Variants in CEP250 observed in about 807,000 individuals in gnomAD.
CEP250 encodes the protein centrosome-associated protein CEP250.
Under a neutral mutation model 315.7 loss-of-function variants are expected in CEP250, and 242 were observed. That is an observed-to-expected ratio of 0.77 (90% CI 0.69 to 0.85). CEP250 has a LOEUF of 0.85. Among genes scored for constraint, CEP250 ranks in the 40% least tolerant of loss-of-function variants. The probability of loss-of-function intolerance (pLI) is 0.00; values close to 1 mark genes in which losing one functional copy is unlikely to be tolerated. For synonymous variants in CEP250, 1,088 were observed against 1,175.0 expected, an observed-to-expected ratio of 0.93 and a Z score of 1.51; for missense variants, 2,515 against 2,886.4, an observed-to-expected ratio of 0.87 and a Z score of 2.95.
chr20:35,500,060 G>A lies in CEP250; in HGVS notation c.3789G>A (p.Arg1263=). ...CCTTCCTTTCCCAGGATGTTCTGAG[G>A]GATCAGGTCCAGAAACTGGAAGAGC... ...WKTQQTRDVL[R]DQVQKLEERL... Residue 1263 remains arginine, a synonymous_variant, in exon 28 of 35, where the codon AGG becomes AGA. Transcript: ENST00000397527. 6.2e-7 allele frequency: 1 copy of A among 1,614,140 alleles called. No individual in the cohort carries two copies. The highest frequency in any genetic ancestry group is 2.2e-5 in the East Asian group (1 of 44,874).
At position 35,509,063 on chromosome 20, in the gene CEP250, G is replaced by C. The variant is rs2147218569; in HGVS notation, c.7008+19G>C. ...ACAGCAGGTTTACTCATTTTCCTCAGCTGCAGCCTTAGAGAGCCCAACCCC... is the reference window on the plus strand; with the variant it reads ...ACAGCAGGTTTACTCATTTTCCTCACCTGCAGCCTTAGAGAGCCCAACCCC... On this transcript the variant is annotated intron_variant, in intron 33 of 34. Transcript: ENST00000397527. 4 of 1,548,272 alleles carry C rather than the reference G, an allele frequency of 2.6e-6. No individual in the cohort carries two copies. The highest frequency in any genetic ancestry group is 1.2e-5 in the South Asian group (1 of 84,076).
At chr20:35,482,054 T>C (rs937041410) in intron 20 of CEP250, among the ~76,000 whole-genome samples, 3 of 111,082 alleles carry the variant, frequency 2.7e-5, no homozygotes, top group African/African-American at 1.2e-4. Flanking sequence ...AAAAAATAGA[T>C]AGATAGATAG....
At chr20:35,475,790 T>G in intron 15 of CEP250, 144 bp downstream of exon 15, 2 of 827,986 alleles carry the variant, frequency 2.4e-6, no homozygotes, top group Non-Finnish European at 3.8e-6. Context: ...TATTCCAACA[T>G]ACCCTCTATA....
In CEP250 at chr20:35,507,764, T is replaced by A. The variant is rs1284572772; in HGVS notation, c.6663T>A (p.Ala2221=). Residue 2221 remains alanine, a synonymous_variant, in exon 31 of 35, where the codon GCT becomes GCA. Coordinates refer to ENST00000397527, the MANE Select transcript of CEP250 (RefSeq NM_007186.6). ...ATGAACTGGAGCTCACCAGACGGGC[T>A]CTGGAGAAGGAGCGGCTACACAGCC... ...LQDELELTRR[A]LEKERLHSPG... 6.4e-7 allele frequency: 1 copy of A among 1,556,940 alleles called. No individual in the cohort carries two copies. Among genetic ancestry groups the A allele is most frequent in the Non-Finnish European group, 8.7e-7 (1 of 1,149,928 alleles).
intron 8 of CEP250, 115 bp downstream of exon 8, chr20:35,467,187 T>G (rs2062904371): frequency 1.5e-6 from 2 of 1,329,186 alleles, no homozygotes; most frequent in Admixed American, 1.8e-5. Context: ...GGGGAGTTGG[T>G]AGTATTGGAA....
rs540593882 is a variant in CEP250 at position 35,465,840 on chromosome 20, A to G, written c.326+15A>G. The stretch of plus-strand genomic sequence containing the variant: ...GAGCAACAGAGGTGATGGACCCCAA[A>G]CTTTCTGACCTGGGTGATTGGCCAG... On this transcript the variant is annotated intron_variant, in intron 6 of 34. Transcript: ENST00000397527. The G allele has an allele frequency of 6.3e-7, 1 of 1,599,042 alleles. No individual in the cohort carries two copies. Among genetic ancestry groups the G allele is most frequent in the African/African-American group, 1.3e-5 (1 of 74,700 alleles).
At chr20:35,498,187 G>A in intron 26 of CEP250, 120 bp downstream of exon 26, 1 of 801,776 alleles carries the variant, frequency 1.2e-6, no homozygotes, top group East Asian at 2.7e-5. Flanking sequence ...TTACATACTT[G>A]GGAATTAATT....
At chr20:35,498,839 A>G in intron 27 of CEP250, 123 bp downstream of exon 27, 1 of 1,156,338 alleles carries the variant, frequency 8.6e-7, no homozygotes, top group South Asian at 1.8e-5. Flanking sequence ...TTTCACCTCT[A>G]TCACTTACCA....
intron 20 of CEP250, among the ~76,000 whole-genome samples, chr20:35,486,716 T>C (rs2063524067): frequency 6.6e-6 from 1 of 152,204 alleles, no homozygotes; most frequent in African/African-American, 2.4e-5. Flanking sequence ...GAAGTTGACT[T>C]GTGCTTTATG....
At chr20:35,471,313 C>T (rs1316134397) in intron 10 of CEP250, among the ~76,000 whole-genome samples, 1 of 152,172 alleles carries the variant, frequency 6.6e-6, no homozygotes, top group Non-Finnish European at 1.5e-5. Context: ...TAATAAATGT[C>T]TCATCTAGAT....
At chr20:35,476,400 TC>T (rs758282387) in intron 15 of CEP250, 48 bp from the exon 16 acceptor site, 8 of 1,577,844 alleles carry the variant, frequency 5.1e-6, no homozygotes, top group South Asian at 4.4e-5. Flanking sequence ...TGTTTACTGT[TC>T]CAGGAAAATT....
At position 35,491,202 on chromosome 20, in the gene CEP250, C is replaced by G; in HGVS notation, c.2755-10C>G. 1.2e-6 allele frequency: 2 copies of G among 1,610,878 alleles called. No individual in the cohort carries two copies. The highest frequency in any genetic ancestry group is 8.5e-7 in the Non-Finnish European group (1 of 1,178,978). ...AGCCCACAAGCTGTTACCCCCCTAC[C>G]CCTCCACAGATGCAGCTGGAAACAG... is the stretch of plus-strand genomic sequence containing the variant. On this transcript the variant is annotated splice_polypyrimidine_tract_variant and intron_variant, in intron 21 of 34. Transcript: ENST00000397527.
chr20:35,479,470 A>G, intron 18 of CEP250, 46 bp downstream of exon 18: 1 of 1,579,486 alleles, frequency 6.3e-7, no homozygotes, highest in Non-Finnish European at 8.6e-7. Context: ...GAGCTTTGCA[A>G]GGCAAAGGCG....
rs146742541 is a variant in CEP250 at position 35,471,050 on chromosome 20, C to T, written c.949-1000C>T. 7.2e-4 allele frequency among the ~76,000 whole-genome samples: 110 copies of T among 152,294 alleles called. 1 individual carries two copies. Among genetic ancestry groups the T allele is most frequent in the African/African-American group, 2.5e-3 (103 of 41,560 alleles). On this transcript the variant is annotated intron_variant, in intron 10 of 34. Coordinates refer to ENST00000397527, the MANE Select transcript of CEP250 (RefSeq NM_007186.6). ...GCTCCTGAACCCCTATTCATATGTA[C>T]ACCCCTAGTCTTCTCATCCAAGCTG...
chr20:35,499,940 C>A, intron 27 of CEP250, 109 bp from the exon 28 acceptor site: 1 of 1,413,120 alleles, frequency 7.1e-7, no homozygotes, highest in Non-Finnish European at 9.8e-7. Context: ...GGGAGTAGGT[C>A]CACAATGGCG....
rs557189881 is a variant in CEP250, at chr20:35,501,352, G to A, written c.3899-493G>A. Among the ~76,000 whole-genome samples the A allele has an allele frequency of 1.0e-3, 158 of 152,210 alleles. 1 individual carries two copies. The highest frequency in any genetic ancestry group is 3.2e-3 in the African/African-American group (131 of 41,528). Reference sequence around the variant, plus strand: ...ACTCCATCTCAAAAAAAGAAAAAAAGAGAAGAGGACACCTTGGGTCTGGGC... The same window carrying A: ...ACTCCATCTCAAAAAAAGAAAAAAAAAGAAGAGGACACCTTGGGTCTGGGC... On this transcript the variant is annotated intron_variant, in intron 28 of 34. Coordinates refer to ENST00000397527, the MANE Select transcript of CEP250 (RefSeq NM_007186.6).
Position 35,472,814 on chromosome 20 carries a change from A to C in CEP250, c.1192A>C (p.Arg398=). The part of the protein sequence containing the change: ...LTLVRSVLTR[R]RQAVQDLRQQ... ...TCTGGTGCGTTCAGTGCTGACTCGG[A>C]GACGCCAGGCTGTGCAGGTAGGAAC... The change falls in exon 12 of 35, where the codon AGA becomes CGA. Residue 398 remains arginine (R), a synonymous_variant. Coordinates refer to ENST00000397527, the MANE Select transcript of CEP250 (RefSeq NM_007186.6). 2 of 1,614,192 alleles carry C rather than the reference A, an allele frequency of 1.2e-6. No individual in the cohort carries two copies. The highest frequency in any genetic ancestry group is 3.3e-4 in the Middle Eastern group (2 of 6,052).
chr20:35,496,411 A>G (rs1208692034), intron 24 of CEP250, among the ~76,000 whole-genome samples, 166 bp from the exon 25 acceptor site: 2 of 152,128 alleles, frequency 1.3e-5, no homozygotes, highest in Admixed American at 1.3e-4. Flanking sequence ...AGGAGCACTT[A>G]TTATAGTAAG....
intron 5 of CEP250, among the ~76,000 whole-genome samples, chr20:35,464,442 G>A (rs1328300303): frequency 3.3e-5 from 5 of 152,092 alleles, no homozygotes; most frequent in Admixed American, 3.3e-4. Context: ...CCAAAAAGTA[G>A]CTGGGACTAC....
Sources: allele counts gnomAD v4.1 joint callset (sites outside exome capture counted in the v4.1 genomes callset), GRCh38; gene constraint gnomAD v4.1.1; transcripts MANE v1.5; gene names NCBI Gene and HGNC (gene_info 2026-07-23, HGNC 2026-07-21).